The following CACNA2D3 variants were observed in gnomAD, a reference collection of about 807,000 sequenced individuals.
CACNA2D3 encodes the protein calcium voltage-gated channel auxiliary subunit alpha2delta 3, also known as voltage-dependent calcium channel subunit alpha-2/delta-3.
Under a neutral mutation model 160.6 loss-of-function variants are expected in CACNA2D3, and 60 were observed. The observed-to-expected ratio is 0.37, with a 90% CI of 0.30 to 0.46. The LOEUF is 0.46. Ranked by LOEUF, CACNA2D3 falls within the 20% of genes least tolerant of loss-of-function variation. CACNA2D3 has a pLI of 1.00. For missense variants in CACNA2D3, 1,205 were observed against 1,365.0 expected (o/e 0.88, Z 1.85); for synonymous variants, 558 against 492.9 (o/e 1.13, Z -1.75).
chr3:54,229,881 C>T (rs549041080), intron 2 of CACNA2D3, among the ~76,000 whole-genome samples: 1 of 152,268 alleles, frequency 6.6e-6, no homozygotes, highest in South Asian at 2.1e-4. Flanking sequence ...AATATTTGGA[C>T]ACCTGCAGGT....
intron 2 of CACNA2D3, among the ~76,000 whole-genome samples, chr3:54,172,446 T>G (rs1700593250): frequency 6.6e-6 from 1 of 152,182 alleles, no homozygotes. Flanking sequence ...GTTGTACATT[T>G]TAAAATGTGG....
At chr3:54,926,550 A>T (rs1044897267) in intron 27 of CACNA2D3, among the ~76,000 whole-genome samples, 3 of 125,116 alleles carry the variant, frequency 2.4e-5, no homozygotes, top group African/African-American at 9.1e-5. Flanking sequence ...ACACACACAC[A>T]CACTCTGTTT....
Position 54,289,631 on chromosome 3 carries a change from A to G in CACNA2D3, c.205-30811A>G, listed in dbSNP as rs545391154. Among the ~76,000 whole-genome samples the G allele has an allele frequency of 3.3e-5, 5 of 152,326 alleles. No homozygotes were observed. In the South Asian group the frequency reaches 6.2e-4, roughly 19 times the overall value. On this transcript the variant is annotated intron_variant, in intron 2 of 37. Coordinates refer to ENST00000474759, the MANE Select transcript of CACNA2D3 (RefSeq NM_018398.3). ...CCTACGCCGAAAGAACAAAGCTGGA[A>G]GCATCACGCTACCTGACTTCAAACT...
intron 27 of CACNA2D3, among the ~76,000 whole-genome samples, chr3:54,947,417 C>T (rs1049927953): frequency 2.0e-5 from 3 of 152,130 alleles, no homozygotes; most frequent in Non-Finnish European, 2.9e-5. Flanking sequence ...AAAAAGAATA[C>T]CAGGATTCCA....
At chr3:54,591,170 A>C (rs1397068063) in intron 9 of CACNA2D3, among the ~76,000 whole-genome samples, 1 of 152,312 alleles carries the variant, frequency 6.6e-6, no homozygotes, top group Admixed American at 6.5e-5. Context: ...TGAAAAGCAA[A>C]ATAGAAATTT....
At chr3:54,800,243 A>G (rs1025208260) in intron 13 of CACNA2D3, among the ~76,000 whole-genome samples, 4 of 152,116 alleles carry the variant, frequency 2.6e-5, no homozygotes, top group Non-Finnish European at 5.9e-5. Flanking sequence ...GAATCCCTTT[A>G]TGTCGTTAGA....
chr3:54,927,889 A>G (rs753761453), intron 27 of CACNA2D3: 1 of 1,613,634 alleles, frequency 6.2e-7, no homozygotes, highest in Non-Finnish European at 8.5e-7. Flanking sequence ...TCCAACGGGA[A>G]TTGATCAGGG....
At chr3:54,491,228 AG>A in intron 4 of CACNA2D3, among the ~76,000 whole-genome samples, 1 of 152,208 alleles carries the variant, frequency 6.6e-6, no homozygotes, top group African/African-American at 2.4e-5. Context: ...AGAGAAGCTC[AG>A]GTGCGCCTCT....
chr3:54,766,003 C>T (rs1341625889), intron 13 of CACNA2D3, among the ~76,000 whole-genome samples: 1 of 151,988 alleles, frequency 6.6e-6, no homozygotes. Context: ...AAAATGAAAC[C>T]ATTACAAGCA....
At chr3:54,264,919 C>A (rs956397454) in intron 2 of CACNA2D3, among the ~76,000 whole-genome samples, 3 of 152,108 alleles carry the variant, frequency 2.0e-5, no homozygotes, top group African/African-American at 7.2e-5. Flanking sequence ...TGAACTCATT[C>A]TTTTTTATGG....
rs182200255 is a variant in CACNA2D3, at chr3:54,795,819, C to T, written c.1381-21034C>T. Among the ~76,000 whole-genome samples, 18 of 152,124 alleles carry T rather than the reference C, an allele frequency of 1.2e-4. No individual in the cohort carries two copies. In the South Asian group the frequency reaches 3.3e-3, roughly 28 times the overall value. On this transcript the variant is annotated intron_variant, in intron 13 of 37. Coordinates refer to ENST00000474759, the MANE Select transcript of CACNA2D3 (RefSeq NM_018398.3). ...AATTGTAAACACCAGTAGGAAATAC[C>T]GATATTTGTTAAGAGTTACTCTATT...
chr3:54,854,623 G>A (rs189310711), intron 17 of CACNA2D3, among the ~76,000 whole-genome samples: 5 of 152,218 alleles, frequency 3.3e-5, no homozygotes, highest in Admixed American at 6.5e-5. Context: ...CCCTCACCAC[G>A]GGTCTCGGGC....
chr3:55,057,101 G>T (rs9866615), intron 35 of CACNA2D3, among the ~76,000 whole-genome samples: 1 of 152,116 alleles, frequency 6.6e-6, no homozygotes, highest in African/African-American at 2.4e-5. Context: ...AATCATGGGG[G>T]TAGGTCTTTC....
At chr3:54,651,231 G>C (rs916202998) in intron 11 of CACNA2D3, among the ~76,000 whole-genome samples, 1 of 152,122 alleles carries the variant, frequency 6.6e-6, no homozygotes, top group Non-Finnish European at 1.5e-5. Context: ...CAGAATGTCA[G>C]GAACTCGTTG....
At chr3:54,480,412 T>G (rs1324559464) in intron 4 of CACNA2D3, among the ~76,000 whole-genome samples, 1 of 152,112 alleles carries the variant, frequency 6.6e-6, no homozygotes, top group African/African-American at 2.4e-5. Context: ...CGCAAGTTCT[T>G]TACTTCTTAG....
At chr3:54,234,732 A>G (rs1255162292) in intron 2 of CACNA2D3, among the ~76,000 whole-genome samples, 3 of 152,236 alleles carry the variant, frequency 2.0e-5, no homozygotes, top group Non-Finnish European at 4.4e-5. Flanking sequence ...GCAGGAGGTT[A>G]TTAGTCTTAG....
chr3:54,603,206 G>T (rs1224672596), intron 9 of CACNA2D3, among the ~76,000 whole-genome samples: 1 of 152,206 alleles, frequency 6.6e-6, no homozygotes, highest in East Asian at 1.9e-4. Flanking sequence ...AGCCCGCCCG[G>T]CAGGAAGAGC....
At chr3:54,678,033 C>G (rs563042039) in intron 11 of CACNA2D3, among the ~76,000 whole-genome samples, 1 of 151,970 alleles carries the variant, frequency 6.6e-6, no homozygotes, top group Non-Finnish European at 1.5e-5. Context: ...AAGGAAAAGA[C>G]GGAGGGAGTG....
intron 3 of CACNA2D3, among the ~76,000 whole-genome samples, chr3:54,377,968 C>T (rs115814665): frequency 0.018 from 2,817 of 152,286 alleles, 27 homozygotes; most frequent in Non-Finnish European, 0.027. Context: ...GGGCAGATGT[C>T]CCTGTCTTCC....
Sources: gnomAD v4.1 joint callset for allele counts (sites outside exome capture counted in the v4.1 genomes callset) on GRCh38, gnomAD v4.1.1 for gene constraint, MANE v1.5 for transcripts, NCBI Gene and HGNC (gene_info 2026-07-23, HGNC 2026-07-21) for gene names.